Variants in ARHGEF6 observed in about 807,000 individuals in gnomAD.
ARHGEF6 encodes the protein rho guanine nucleotide exchange factor 6.
ARHGEF6 carries 9 observed loss-of-function variants against 70.3 expected under a neutral mutation model. The observed-to-expected ratio is 0.13, with a 90% CI of 0.08 to 0.22. The LOEUF is 0.22. ARHGEF6 is among the 10% of genes least tolerant of loss of function. The pLI is 1.00. For missense variants in ARHGEF6, 470 were observed against 563.0 expected (o/e 0.83, Z 1.67); for synonymous variants, 201 against 207.8 (o/e 0.97, Z 0.28).
intron 5 of ARHGEF6, among the ~76,000 whole-genome samples, chrX:136,742,061 C>T (rs1480231151): frequency 8.9e-6 from 1 of 112,163 alleles, no homozygotes; most frequent in Non-Finnish European, 1.9e-5. Flanking sequence ...TGGCTCACGC[C>T]TGTAATCCCA....
chrX:136,766,295 A>T (rs2077313266), intron 2 of ARHGEF6, among the ~76,000 whole-genome samples: 1 of 62,042 alleles, frequency 1.6e-5, no homozygotes, highest in African/African-American at 6.6e-5. Context: ...ATATAAGTTT[A>T]AAAAAAAACA....
At chrX:136,686,697 CATATATATATACATATATATATATATAT>C (rs1469662496) in intron 11 of ARHGEF6, among the ~76,000 whole-genome samples, 551 of 42,930 alleles carry the variant, frequency 0.013, 1 homozygote, top group South Asian at 0.043. Context: ...TATATATACA[CATATATATATACATATATATATATATAT>C]ATATATATAT....
At chrX:136,745,448 G>T in intron 3 of ARHGEF6, 101 bp from the exon 4 acceptor site, 2 of 1,007,033 alleles carry the variant, frequency 2.0e-6, no homozygotes, top group Non-Finnish European at 2.8e-6. Flanking sequence ...AGGCATCCTG[G>T]CTGTAATTCT....
intron 9 of ARHGEF6, among the ~76,000 whole-genome samples, chrX:136,702,968 G>A (rs2076590623): frequency 9.0e-6 from 1 of 111,392 alleles, no homozygotes; most frequent in African/African-American, 3.3e-5. Context: ...ACCACGTTAT[G>A]GGCCATAAAA....
intron 5 of ARHGEF6, among the ~76,000 whole-genome samples, chrX:136,734,026 G>A (rs757863731): frequency 8.9e-6 from 1 of 112,410 alleles, no homozygotes; most frequent in Non-Finnish European, 1.9e-5. Flanking sequence ...AGGGAAGGCA[G>A]TACAGAGTTT....
At chrX:136,682,235 A>T (rs1222047140) in intron 13 of ARHGEF6, among the ~76,000 whole-genome samples, 1 of 112,429 alleles carries the variant, frequency 8.9e-6, no homozygotes, top group Non-Finnish European at 1.9e-5. Flanking sequence ...TTTCATAAGA[A>T]TCAGTAAAAA....
At chrX:136,729,590 C>T (rs1448350338) in intron 6 of ARHGEF6, among the ~76,000 whole-genome samples, 3 of 106,764 alleles carry the variant, frequency 2.8e-5, no homozygotes, top group Admixed American at 2.0e-4. Context: ...CCAGCACTTT[C>T]GGAGGCCAAG....
At chrX:136,778,431 T>C (rs144363179) in intron 2 of ARHGEF6, among the ~76,000 whole-genome samples, 3 of 111,830 alleles carry the variant, frequency 2.7e-5, no homozygotes, top group Non-Finnish European at 1.9e-5. Flanking sequence ...AATTATCTCA[T>C]AGATCTTACA....
In ARHGEF6 at chrX:136,668,083, T is replaced by C; in HGVS notation, c.2277A>G (p.Gln759=). ...ACTCGCCTCGAATACACTCATCTGT[T>C]TGCTTCAAAAGCCTCCGCACCAGCT... The part of the protein sequence containing the change: ...LEKLVRRLLK[Q]TDECIRGESS... The change falls in exon 22 of 22, where the codon CAA becomes CAG. Residue 759 remains glutamine, a synonymous_variant. Transcript: ENST00000250617. The C allele has an allele frequency of 8.3e-7, 1 of 1,211,991 alleles. No homozygotes were observed. The highest frequency in any genetic ancestry group is 3.0e-5 in the East Asian group (1 of 33,859).
chrX:136,673,284 C>A (rs2076244466), intron 19 of ARHGEF6, among the ~76,000 whole-genome samples: 1 of 111,313 alleles, frequency 9.0e-6, no homozygotes, highest in Non-Finnish European at 1.9e-5. Flanking sequence ...CCTGCAGATA[C>A]CAAGGGACGA....
At chrX:136,719,161 C>A (rs1260761741) in intron 6 of ARHGEF6, among the ~76,000 whole-genome samples, 1 of 109,818 alleles carries the variant, frequency 9.1e-6, no homozygotes, top group Admixed American at 9.8e-5. Flanking sequence ...CTCAATAGTA[C>A]CATCAAGCAA....
chrX:136,758,031 CTTTTTTTTTTTTTTTTTTTTTTTT>C (rs1164537601), intron 2 of ARHGEF6, among the ~76,000 whole-genome samples: 3 of 14,032 alleles, frequency 2.1e-4, no homozygotes, highest in Admixed American at 2.5e-3. Context: ...AAAATAAATT[CTTTTTTTTTTTTTTTTTTTTTTTT>C]TTTTTTTTTT....
intron 6 of ARHGEF6, among the ~76,000 whole-genome samples, chrX:136,725,138 A>G (rs1293083092): frequency 9.0e-6 from 1 of 110,610 alleles, no homozygotes; most frequent in Non-Finnish European, 1.9e-5. Context: ...AGGTGAGGCA[A>G]CACACTTTCT....
chrX:136,686,592 GTGTATA>G (rs1208380203), intron 11 of ARHGEF6, among the ~76,000 whole-genome samples: 1,640 of 59,655 alleles, frequency 0.027, 67 homozygotes, highest in African/African-American at 0.11. Flanking sequence ...GTGTATGTGT[GTGTATA>G]TATATATATA....
At chrX:136,738,459 T>A (rs1253037074) in intron 5 of ARHGEF6, among the ~76,000 whole-genome samples, 1 of 112,317 alleles carries the variant, frequency 8.9e-6, no homozygotes, top group South Asian at 3.7e-4. Context: ...ATGTTAGGCA[T>A]ATGAAGACAA....
intron 2 of ARHGEF6, among the ~76,000 whole-genome samples, chrX:136,752,609 T>C (rs1425211877): frequency 2.7e-5 from 3 of 112,041 alleles, no homozygotes; most frequent in Non-Finnish European, 5.6e-5. Flanking sequence ...ATCTTTAATG[T>C]CATGTGGTTT....
chrX:136,730,538 G>A (rs1456256041), intron 6 of ARHGEF6, among the ~76,000 whole-genome samples: 3 of 111,012 alleles, frequency 2.7e-5, no homozygotes, highest in African/African-American at 9.8e-5. Context: ...CATGAGTTCC[G>A]CAAGACATTT....
rs370936233 is a variant in ARHGEF6 at position 136,732,060 on chromosome X, T to C, written c.732+42A>G. 2.4e-5 allele frequency: 26 copies of C among 1,069,312 alleles called. No individual in the cohort carries two copies. In the African/African-American group the frequency reaches 3.5e-4, roughly 14 times the overall value. The allele number at this position is 1,069,312 out of a possible 1,213,427, so 88.1% of individuals were successfully genotyped here. On this transcript the variant is annotated intron_variant, in intron 6 of 21. Transcript: ENST00000250617. ...TGGTTTGACAAGTGAAAAAGTTCCATATAGAGTCAAGAAAATTTTTATTCA... is the reference window on the plus strand; with the variant it reads ...TGGTTTGACAAGTGAAAAAGTTCCACATAGAGTCAAGAAAATTTTTATTCA...
chrX:136,754,604 A>T (rs2148669994), intron 2 of ARHGEF6, among the ~76,000 whole-genome samples: 1 of 109,863 alleles, frequency 9.1e-6, no homozygotes, highest in South Asian at 3.9e-4. Context: ...AAACAACGAA[A>T]GAAAAGAAAA....
Sources: gnomAD v4.1 joint callset for allele counts (sites outside exome capture counted in the v4.1 genomes callset) on GRCh38, gnomAD v4.1.1 for gene constraint, MANE v1.5 for transcripts, NCBI Gene and HGNC (gene_info 2026-07-23, HGNC 2026-07-21) for gene names.